Variants in AK7 observed in about 807,000 individuals in gnomAD.
AK7 encodes ATP-AMP transphosphorylase 7.
In AK7, 78 loss-of-function variants were observed where a neutral mutation model predicts 96.6. The ratio of observed to expected loss-of-function variants is 0.81; its 90% CI spans 0.67 to 0.97. The LOEUF (loss-of-function observed/expected upper bound fraction) is 0.97, where lower values mean the gene tolerates loss of function less well. Among genes scored for constraint, AK7 ranks in the 50% least tolerant of loss-of-function variants. The probability of loss-of-function intolerance (pLI) is 0.00; values close to 1 mark genes in which losing one functional copy is unlikely to be tolerated. For synonymous variants in AK7, 302 were observed against 317.2 expected (o/e 0.95, Z 0.51); for missense variants, 855 against 887.9 (o/e 0.96, Z 0.47).
rs568613527 is a variant in AK7, at chr14:96,483,084, A to T, written c.1839A>T (p.Leu613Phe). 6.2e-7 allele frequency: 1 copy of T among 1,614,210 alleles called. No homozygotes were observed. Among genetic ancestry groups the T allele is most frequent in the South Asian group, 1.1e-5 (1 of 91,080 alleles). Residue 613 changes from leucine (L) to phenylalanine (F), a missense_variant, in exon 16 of 18, where the codon TTA becomes TTT. Coordinates refer to ENST00000267584, the MANE Select transcript of AK7 (RefSeq NM_152327.5). Reference protein sequence around the residue: ...KEIGEPRNYGLTDEEKAEEER... With the variant: ...KEIGEPRNYGFTDEEKAEEER... ...TTGGGGAGCCTCGAAATTATGGTTT[A>T]ACAGACGAAGAAAAGGCAGAAGAGG...
At chr14:96,425,350 T>C (rs1312771190) in intron 5 of AK7, among the ~76,000 whole-genome samples, 1 of 152,104 alleles carries the variant, frequency 6.6e-6, no homozygotes, top group Non-Finnish European at 1.5e-5. Context: ...CAAGATTACA[T>C]ACACAAAAGG....
chr14:96,487,901 T>A (rs887597669), intron 17 of AK7: 3 of 289,246 alleles, frequency 1.0e-5, no homozygotes, highest in Non-Finnish European at 2.0e-5. Flanking sequence ...TATGTACTTT[T>A]ACTTATTTAT....
chr14:96,482,826 G>GCCCGTGAGAGAAGAA (rs1895571469), intron 15 of AK7, among the ~76,000 whole-genome samples, 173 bp from the exon 16 acceptor site: 1 of 152,200 alleles, frequency 6.6e-6, no homozygotes, highest in Non-Finnish European at 1.5e-5. Context: ...ACTCTGGTCT[G>GCCCGTGAGAGAAGAA]ATATTTGCCC....
chr14:96,442,605 C>T lies in AK7; in HGVS notation c.691-125C>T, dbSNP rs1035733654. ...TCAGGGCTGATTTATAAAACACCCCCTAGAGGAAATTACTTAAGCAGATAG... is the reference window on the plus strand; with the variant it reads ...TCAGGGCTGATTTATAAAACACCCCTTAGAGGAAATTACTTAAGCAGATAG... On this transcript the variant is annotated intron_variant, in intron 6 of 17. Coordinates refer to ENST00000267584, the MANE Select transcript of AK7 (RefSeq NM_152327.5). The T allele has an allele frequency of 6.4e-6, 5 of 778,496 alleles. No individual in the cohort carries two copies. The Admixed American group carries it at 9.0e-5, about 14-fold the overall frequency. The allele number at this position is 778,496 out of a possible 1,614,324, so 48.2% of individuals were successfully genotyped here.
At chr14:96,448,347 G>A (rs769754396) in intron 8 of AK7, among the ~76,000 whole-genome samples, 19 of 151,928 alleles carry the variant, frequency 1.3e-4, no homozygotes, top group Non-Finnish European at 2.1e-4. Context: ...GATCAAGGCA[G>A]ATTCAGCCAG....
intron 1 of AK7, among the ~76,000 whole-genome samples, chr14:96,395,755 A>ATAAG (rs1890036313): frequency 7.0e-6 from 1 of 142,320 alleles, no homozygotes; most frequent in Admixed American, 7.0e-5. Flanking sequence ...GAATGAGGGA[A>ATAAG]GGGAGTTTAT....
intron 9 of AK7, among the ~76,000 whole-genome samples, chr14:96,450,188 A>G (rs1052680433): frequency 1.3e-5 from 2 of 152,084 alleles, no homozygotes; most frequent in African/African-American, 4.8e-5. Flanking sequence ...AGGCCGAGGC[A>G]GGTGGACCAC....
At position 96,395,718 on chromosome 14, in the gene AK7, GAAAAAAAA is replaced by G. The variant is rs71103518; in HGVS notation, c.106-2338_106-2331del. Among the ~76,000 whole-genome samples the G allele has an allele frequency of 7.8e-3, 319 of 41,042 alleles. 3 individuals are homozygous for G. The highest frequency in any genetic ancestry group is 0.02 in the African/African-American group (300 of 14,862). The allele number at this position is 41,042 out of a possible 152,430, so 26.9% of individuals were successfully genotyped here. A position where few individuals can be genotyped will look rare whatever the true frequency, so the allele number is the denominator to read the frequency against. On this transcript the variant is annotated intron_variant, in intron 1 of 17. Transcript: ENST00000267584. ...AGGGCAGAGTAAAACCTTGTCTCTAGAAAAAAAAAAAAAAAAAAAAAAAAAAGAATGAG... is the reference window on the plus strand; with the variant it reads ...AGGGCAGAGTAAAACCTTGTCTCTAGAAAAAAAAAAAAAAAAAAGAATGAG...
At chr14:96,414,697 A>G (rs1891223300) in intron 4 of AK7, among the ~76,000 whole-genome samples, 1 of 152,078 alleles carries the variant, frequency 6.6e-6, no homozygotes, top group South Asian at 2.1e-4. Flanking sequence ...AAAGTCCCTA[A>G]AACAGCCCAA....
chr14:96,408,783 C>A, intron 3 of AK7, 64 bp from the exon 4 acceptor site: 1 of 1,483,294 alleles, frequency 6.7e-7, no homozygotes, highest in Non-Finnish European at 9.4e-7. Context: ...ACTAATAGTA[C>A]ACGTGATTTA....
At position 96,392,175 on chromosome 14, in the gene AK7, T is replaced by C. The variant is rs1159402777; in HGVS notation, c.21T>C (p.Thr7=). The stretch of plus-strand genomic sequence containing the variant: ...CCACCATGGCTGAAGAAGAGGAAAC[T>C]GCTGCTCTCACGGAGAAGGTTATCC... MAEEEE[T]AALTEKVIRT... is the part of the protein sequence containing the mutation. The change falls in exon 1 of 18, where the codon ACT becomes ACC. Residue 7 remains threonine (T), a synonymous_variant. Transcript: ENST00000267584. The C allele has an allele frequency of 1.9e-6, 3 of 1,613,416 alleles. No homozygotes were observed. The highest frequency in any genetic ancestry group is 2.5e-6 in the Non-Finnish European group (3 of 1,179,508).
intron 15 of AK7, among the ~76,000 whole-genome samples, chr14:96,482,112 A>C (rs1895535982): frequency 1.3e-5 from 2 of 152,184 alleles, no homozygotes; most frequent in Non-Finnish European, 2.9e-5. Context: ...AGGTCATACA[A>C]ACATGGGAGG....
chr14:96,446,847 G>T (rs1595425316), intron 8 of AK7, among the ~76,000 whole-genome samples: 1 of 152,100 alleles, frequency 6.6e-6, no homozygotes, highest in African/African-American at 2.4e-5. Flanking sequence ...GGCTGAGACA[G>T]GAGAATCGCT....
chr14:96,471,152 C>T (rs548154311), intron 12 of AK7, among the ~76,000 whole-genome samples: 1 of 151,960 alleles, frequency 6.6e-6, no homozygotes, highest in East Asian at 1.9e-4. Context: ...GGCAACATTG[C>T]AAGATCCTTT....
intron 14 of AK7, among the ~76,000 whole-genome samples, chr14:96,476,261 T>A (rs896011741): frequency 2.0e-5 from 3 of 152,148 alleles, no homozygotes; most frequent in African/African-American, 7.2e-5. Context: ...ATCCCAGCAA[T>A]TTGGGAGGCC....
At chr14:96,458,960 CA>C (rs140583147) in intron 12 of AK7, among the ~76,000 whole-genome samples, 47,139 of 128,078 alleles carry the variant, frequency 0.37, 8,439 homozygotes, top group South Asian at 0.45. Context: ...GAAATTATAA[CA>C]AAAAAAAAAT....
chr14:96,453,202 G>C (rs552650690), intron 10 of AK7, among the ~76,000 whole-genome samples: 11 of 152,250 alleles, frequency 7.2e-5, no homozygotes, highest in African/African-American at 2.4e-4. Context: ...AGATCCTCAT[G>C]GTGGCTGTAC....
At position 96,430,097 on chromosome 14, in the gene AK7, G is replaced by A. The variant is rs1892261110; in HGVS notation, c.610-7738G>A. Among the ~76,000 whole-genome samples, 3 of 151,948 alleles carry A rather than the reference G, an allele frequency of 2.0e-5. No individual in the cohort carries two copies. The South Asian group carries it at 6.2e-4, about 32-fold the overall frequency. On this transcript the variant is annotated intron_variant, in intron 5 of 17. Coordinates refer to ENST00000267584, the MANE Select transcript of AK7 (RefSeq NM_152327.5). The stretch of plus-strand genomic sequence containing the variant: ...CCATTCAGTATGATATTGGCTGTGG[G>A]TTTGTCATAAATAGCTCTTATTATT...
At chr14:96,424,018 A>T in intron 5 of AK7, 1 of 770,058 alleles carries the variant, frequency 1.3e-6, no homozygotes, top group Non-Finnish European at 2.4e-6. Context: ...GTCTGTCAAG[A>T]CCCAGGTGTA....
Sources: allele counts gnomAD v4.1 joint callset (sites outside exome capture counted in the v4.1 genomes callset), GRCh38; gene constraint gnomAD v4.1.1; transcripts MANE v1.5; gene names NCBI Gene and HGNC (gene_info 2026-07-23, HGNC 2026-07-21).